The following RBFOX1 variants were observed in gnomAD, a reference collection of about 807,000 sequenced individuals.
RBFOX1 encodes the protein RNA binding protein fox-1 homolog 1.
A neutral mutation model predicts 57.7 loss-of-function variants in RBFOX1; 8 were observed. That is an observed-to-expected ratio of 0.14 (90% confidence interval 0.08 to 0.25). The LOEUF is 0.25. Ranked by LOEUF, RBFOX1 falls within the 10% of genes least tolerant of loss-of-function variation. The probability of loss-of-function intolerance (pLI) is 1.00; values close to 1 mark genes in which losing one functional copy is unlikely to be tolerated. For missense variants in RBFOX1, 611 were observed against 548.5 expected, an observed-to-expected ratio of 1.11 and a Z score of -1.14; for synonymous variants, 326 against 222.4, an observed-to-expected ratio of 1.47 and a Z score of -4.15.
At chr16:5,936,830 A>C (rs545672662) in intron 4 of RBFOX1, among the ~76,000 whole-genome samples, 1 of 152,286 alleles carries the variant, frequency 6.6e-6, no homozygotes, top group Admixed American at 6.5e-5. Flanking sequence ...GGCAAAGCAG[A>C]GGTGATCCCC....
chr16:7,247,527 C>G (rs1176649421), intron 4 of RBFOX1, among the ~76,000 whole-genome samples: 1 of 152,170 alleles, frequency 6.6e-6, no homozygotes, highest in African/African-American at 2.4e-5. Flanking sequence ...CTGTAAGACC[C>G]TGTGCCTGCC....
chr16:6,572,473 T>C (rs2153954211), intron 2 of RBFOX1, among the ~76,000 whole-genome samples: 1 of 152,342 alleles, frequency 6.6e-6, no homozygotes, highest in East Asian at 1.9e-4. Context: ...AGCGTGCATG[T>C]ACAAATATAT....
At chr16:7,432,642 C>G (rs1401406281) in intron 4 of RBFOX1, among the ~76,000 whole-genome samples, 1 of 152,212 alleles carries the variant, frequency 6.6e-6, no homozygotes, top group African/African-American at 2.4e-5. Flanking sequence ...AATACATAAA[C>G]ACATGGGGGT....
intron 3 of RBFOX1, among the ~76,000 whole-genome samples, chr16:5,819,810 C>T (rs1034744411): frequency 9.2e-5 from 14 of 152,222 alleles, no homozygotes; most frequent in Admixed American, 2.0e-4. Flanking sequence ...CTAGATCATG[C>T]CCTAGGCAGG....
chr16:7,020,887 G>A (rs1009029407), intron 3 of RBFOX1, among the ~76,000 whole-genome samples: 4 of 152,156 alleles, frequency 2.6e-5, no homozygotes, highest in Admixed American at 1.3e-4. Context: ...AGAACTTTGC[G>A]ATGCTAAGAC....
intron 1 of RBFOX1, among the ~76,000 whole-genome samples, chr16:6,223,507 A>T (rs2097392638): frequency 6.6e-6 from 1 of 152,064 alleles, no homozygotes; most frequent in Admixed American, 6.5e-5. Context: ...TTCTTTTGAG[A>T]AGTGTCTGTT....
chr16:5,609,461 C>G (rs764810286), intron 3 of RBFOX1, among the ~76,000 whole-genome samples: 1 of 152,154 alleles, frequency 6.6e-6, no homozygotes. Context: ...GGTCAGCTTC[C>G]AGGCTTTTAT....
intron 3 of RBFOX1, among the ~76,000 whole-genome samples, chr16:6,677,906 A>G (rs1239877100): frequency 6.6e-6 from 1 of 152,208 alleles, no homozygotes; most frequent in East Asian, 1.9e-4. Context: ...TTTGTTTATT[A>G]CTAAAGTGAT....
chr16:7,414,802 G>C (rs930874018), intron 4 of RBFOX1, among the ~76,000 whole-genome samples: 1 of 152,128 alleles, frequency 6.6e-6, no homozygotes, highest in Non-Finnish European at 1.5e-5. Context: ...ATGTTTAGTA[G>C]AGATGGGGTT....
chr16:5,939,687 G>T (rs1437152412), intron 4 of RBFOX1, among the ~76,000 whole-genome samples: 1 of 152,062 alleles, frequency 6.6e-6, no homozygotes, highest in Non-Finnish European at 1.5e-5. Flanking sequence ...AAGGGAGGTG[G>T]TGGCTCCATT....
chr16:7,554,261 T>A (rs2087571060), intron 5 of RBFOX1, among the ~76,000 whole-genome samples: 1 of 152,208 alleles, frequency 6.6e-6, no homozygotes, highest in Non-Finnish European at 1.5e-5. Flanking sequence ...CAGAAATATT[T>A]AGTCATAGCA....
chr16:7,643,207 G>C (rs764093225), intron 11 of RBFOX1, among the ~76,000 whole-genome samples: 5 of 152,192 alleles, frequency 3.3e-5, no homozygotes, highest in Non-Finnish European at 5.9e-5. Context: ...TGAATGGTGT[G>C]TGTGTCTTTT....
chr16:5,622,311 A>T (rs559171398), intron 3 of RBFOX1, among the ~76,000 whole-genome samples: 1 of 152,302 alleles, frequency 6.6e-6, no homozygotes, highest in Admixed American at 6.5e-5. Flanking sequence ...AAATGGTGGG[A>T]CATTAATTAT....
chr16:5,440,720 C>T (rs1327953643), intron 1 of RBFOX1, among the ~76,000 whole-genome samples: 1 of 152,106 alleles, frequency 6.6e-6, no homozygotes, highest in Admixed American at 6.6e-5. Context: ...ATATATTTTA[C>T]AAGATTTAGC....
intron 14 of RBFOX1, among the ~76,000 whole-genome samples, chr16:7,682,916 G>A (rs1056482256): frequency 1.1e-4 from 16 of 144,424 alleles, no homozygotes; most frequent in Non-Finnish European, 1.8e-4. Flanking sequence ...GACAGCTTTC[G>A]GGTAACTAGA....
intron 2 of RBFOX1, among the ~76,000 whole-genome samples, chr16:6,348,135 G>C (rs2085683939): frequency 6.6e-6 from 1 of 152,152 alleles, no homozygotes; most frequent in African/African-American, 2.4e-5. Flanking sequence ...TGTGGTTTGA[G>C]GTCTTTGCTC....
chr16:6,718,432 G>A (rs2065267099), intron 3 of RBFOX1, among the ~76,000 whole-genome samples: 1 of 152,204 alleles, frequency 6.6e-6, no homozygotes, highest in African/African-American at 2.4e-5. Context: ...AAGTCCACAA[G>A]GTAATGCGAG....
chr16:5,570,549 A>G lies in RBFOX1; in HGVS notation c.259-28353A>G, dbSNP rs1021389233. 2.0e-5 allele frequency among the ~76,000 whole-genome samples: 3 copies of G among 152,270 alleles called. No individual in the cohort carries two copies. In the South Asian group the frequency reaches 6.2e-4, roughly 32 times the overall value. On this transcript the variant is annotated intron_variant, in intron 2 of 2. Transcript: ENST00000585867. ...GCACAAACGAATCTTGGGCATTACA[A>G]GCATTTCGGGTTGGATGTGGTGGTT...
In RBFOX1 at chr16:6,513,537, C is replaced by T. The variant is rs1400151146; in HGVS notation, c.-63-141066C>T. Among the ~76,000 whole-genome samples the T allele has an allele frequency of 2.0e-5, 3 of 152,002 alleles. No individual in the cohort carries two copies. In the East Asian group the frequency reaches 5.8e-4, roughly 29 times the overall value. ...TCACCTGAGGTCAGGAGTTCGAGACCAGCCTAGCCAACATGGTGAAAACCT... is the reference window on the plus strand; with the variant it reads ...TCACCTGAGGTCAGGAGTTCGAGACTAGCCTAGCCAACATGGTGAAAACCT... On this transcript the variant is annotated intron_variant, in intron 2 of 15. Coordinates refer to ENST00000550418, the MANE Select transcript of RBFOX1 (RefSeq NM_018723.4).
Sources: allele counts gnomAD v4.1 joint callset (sites outside exome capture counted in the v4.1 genomes callset), GRCh38; gene constraint gnomAD v4.1.1; transcripts MANE v1.5; gene names NCBI Gene and HGNC (gene_info 2026-07-23, HGNC 2026-07-21).